NIPBL: variants seen among roughly 807,000 people sequenced by gnomAD.
NIPBL encodes the protein NIPBL cohesin loading factor.
Under a neutral mutation model 321.8 loss-of-function variants are expected in NIPBL, and 19 were observed. That is an observed-to-expected ratio of 0.06 (90% CI 0.04 to 0.09). NIPBL has a LOEUF of 0.09. Ranked by LOEUF, NIPBL falls within the 10% of genes least tolerant of loss-of-function variation. The pLI is 1.00. For synonymous variants in NIPBL, 1,106 were observed against 1,114.1 expected, an observed-to-expected ratio of 0.99 and a Z score of 0.14; for missense variants, 2,210 against 3,327.0, an observed-to-expected ratio of 0.66 and a Z score of 8.26.
At chr5:37,032,430 TG>T (rs1197334048) in intron 32 of NIPBL, among the ~76,000 whole-genome samples, 5 of 141,976 alleles carry the variant, frequency 3.5e-5, no homozygotes, top group Non-Finnish European at 6.1e-5. Flanking sequence ...TGTGTGTGTG[TG>T]TGTGTGTAGT....
At chr5:36,960,500 T>G (rs1297714163) in intron 4 of NIPBL, among the ~76,000 whole-genome samples, 4 of 152,220 alleles carry the variant, frequency 2.6e-5, no homozygotes, top group African/African-American at 9.6e-5. Context: ...ACTACATACT[T>G]AAGAAAACAC....
chr5:36,995,414 A>G (rs1746024458), intron 10 of NIPBL: 3 of 420,370 alleles, frequency 7.1e-6, no homozygotes, highest in Admixed American at 8.0e-5. Flanking sequence ...TTTTAAAGTC[A>G]TTACATAATT....
chr5:37,051,432 TC>T, intron 40 of NIPBL: 1 of 241,812 alleles, frequency 4.1e-6, no homozygotes, highest in Non-Finnish European at 7.9e-6. Flanking sequence ...CAAGGCAAAT[TC>T]AGTCAAGCTT....
At chr5:37,054,310 C>A (rs1753874217) in intron 42 of NIPBL, among the ~76,000 whole-genome samples, 2 of 151,930 alleles carry the variant, frequency 1.3e-5, no homozygotes, top group East Asian at 3.9e-4. Flanking sequence ...TCTTACTAGA[C>A]CTCTTCAAGT....
In NIPBL at chr5:36,985,625, A is replaced by G; in HGVS notation, c.2445A>G (p.Arg815=). Residue 815 remains arginine, a synonymous_variant, in exon 10 of 47, where the codon AGA becomes AGG. Coordinates refer to ENST00000282516, the MANE Select transcript of NIPBL (RefSeq NM_133433.4). The part of the protein sequence containing the change: ...PDGRSVSESL[R]RDHDNKQKSD... ...GGCGATCTGTTTCTGAGTCACTAAG[A>G]CGTGACCATGATAATAAACAAAAAT... 1 of 1,613,924 alleles carries G rather than the reference A, an allele frequency of 6.2e-7. No homozygotes were observed. The highest frequency in any genetic ancestry group is 8.5e-7 in the Non-Finnish European group (1 of 1,179,946).
chr5:37,002,855 T>C, intron 15 of NIPBL, 90 bp downstream of exon 15: 1 of 791,366 alleles, frequency 1.3e-6, no homozygotes, highest in Non-Finnish European at 2.1e-6. Flanking sequence ...AAAATTTATG[T>C]AAAGTAAATA....
At chr5:36,879,709 T>C (rs1745365691) in intron 1 of NIPBL, among the ~76,000 whole-genome samples, 1 of 152,130 alleles carries the variant, frequency 6.6e-6, no homozygotes, top group Non-Finnish European at 1.5e-5. Context: ...ATAATCCTAG[T>C]TATATTATTT....
At chr5:36,903,112 G>A (rs1026972799) in intron 1 of NIPBL, among the ~76,000 whole-genome samples, 8 of 152,084 alleles carry the variant, frequency 5.3e-5, no homozygotes, top group Admixed American at 3.3e-4. Flanking sequence ...TTTGCACTTC[G>A]TTTTGTATCC....
chr5:37,057,579 C>T (rs1338165257), intron 43 of NIPBL, among the ~76,000 whole-genome samples: 1 of 152,178 alleles, frequency 6.6e-6, no homozygotes, highest in Non-Finnish European at 1.5e-5. Context: ...ATTTATTTCT[C>T]TCACTTTAAG....
intron 1 of NIPBL, among the ~76,000 whole-genome samples, chr5:36,927,660 A>G (rs1452459876): frequency 1.3e-5 from 2 of 152,220 alleles, no homozygotes; most frequent in Admixed American, 6.5e-5. Flanking sequence ...AATTAGGAGT[A>G]TTGTAGAAGA....
chr5:36,897,829 A>G (rs1746876447), intron 1 of NIPBL, among the ~76,000 whole-genome samples: 1 of 149,828 alleles, frequency 6.7e-6, no homozygotes, highest in Non-Finnish European at 1.5e-5. Flanking sequence ...TGAAGTCTTT[A>G]CTCCACTAGT....
At chr5:36,884,159 T>A (rs994299435) in intron 1 of NIPBL, among the ~76,000 whole-genome samples, 21 of 152,274 alleles carry the variant, frequency 1.4e-4, no homozygotes, top group Admixed American at 5.2e-4. Flanking sequence ...TCCCTTTTTT[T>A]ATGTATCTCT....
chr5:36,955,541 G>C lies in NIPBL; in HGVS notation c.134G>C (p.Arg45Pro). ...TTTKSLLFNA[R>P]IAEEVNCLLA... The stretch of plus-strand genomic sequence containing the variant: ...ACAAAGAGCCTTCTCTTTAATGCAC[G>C]AATAGCAGAAGAGGTGAACTGCCTT... The change falls in exon 3 of 47, where the codon CGA (arginine) becomes CCA (proline). Residue 45 changes from arginine to proline, a missense_variant. Transcript: ENST00000282516. 1 of 1,613,798 alleles carries C rather than the reference G, an allele frequency of 6.2e-7. No homozygotes were observed. The highest frequency in any genetic ancestry group is 8.5e-7 in the Non-Finnish European group (1 of 1,179,772).
At chr5:37,015,941 A>G (rs1748932505) in intron 22 of NIPBL, 97 bp from the exon 23 acceptor site, 1 of 1,249,602 alleles carries the variant, frequency 8.0e-7, no homozygotes, top group Non-Finnish European at 1.2e-6. Flanking sequence ...ACATAGAAAA[A>G]AGAAAACTTA....
intron 24 of NIPBL, among the ~76,000 whole-genome samples, chr5:37,017,913 A>G (rs184759669): frequency 1.3e-5 from 2 of 152,226 alleles, no homozygotes; most frequent in East Asian, 3.9e-4. Context: ...TCATCTTTCA[A>G]AATATAGATG....
intron 32 of NIPBL, among the ~76,000 whole-genome samples, 175 bp downstream of exon 32, chr5:37,027,587 C>A: frequency 1.6e-5 from 2 of 125,574 alleles, no homozygotes; most frequent in South Asian, 2.7e-4. Context: ...ATAATTAATT[C>A]AGTTGCCTGG....
At position 37,043,882 on chromosome 5, in the gene NIPBL, C is replaced by G. The variant is rs563617517; in HGVS notation, c.6109-465C>G. 3.3e-5 allele frequency among the ~76,000 whole-genome samples: 5 copies of G among 152,296 alleles called. No individual in the cohort carries two copies. The East Asian group carries it at 7.7e-4, about 24-fold the overall frequency. On this transcript the variant is annotated intron_variant, in intron 34 of 46. Coordinates refer to ENST00000282516, the MANE Select transcript of NIPBL (RefSeq NM_133433.4). ...ATCCCTGGCCTCTATCCACTAGATG[C>G]CAGTAGTGGCTCCCATTGTGACAAC...
At chr5:36,962,718 T>C (rs1473140749) in intron 6 of NIPBL, among the ~76,000 whole-genome samples, 1 of 152,180 alleles carries the variant, frequency 6.6e-6, no homozygotes, top group Non-Finnish European at 1.5e-5. Context: ...ATTGAGTCTG[T>C]AGTGAACACG....
At chr5:37,034,333 A>T (rs1238899647) in intron 32 of NIPBL, among the ~76,000 whole-genome samples, 1 of 152,244 alleles carries the variant, frequency 6.6e-6, no homozygotes, top group African/African-American at 2.4e-5. Flanking sequence ...TCATAAAAGC[A>T]TTATCTTGTG....
Sources: gnomAD v4.1 joint callset for allele counts (sites outside exome capture counted in the v4.1 genomes callset) on GRCh38, gnomAD v4.1.1 for gene constraint, MANE v1.5 for transcripts, NCBI Gene and HGNC (gene_info 2026-07-23, HGNC 2026-07-21) for gene names.